The following CHN2 variants were observed in gnomAD, a reference collection of about 807,000 sequenced individuals.
CHN2 encodes the protein beta-chimaerin.
Under a neutral mutation model 56.3 loss-of-function variants are expected in CHN2, and 35 were observed. The ratio of observed to expected loss-of-function variants is 0.62; its 90% CI spans 0.47 to 0.82. The LOEUF is 0.82. CHN2 is among the 40% of genes least tolerant of loss of function. The pLI is 0.00. For missense variants in CHN2, 491 were observed against 580.5 expected (o/e 0.85, Z 1.58); for synonymous variants, 210 against 212.8 (o/e 0.99, Z 0.12).
Position 29,354,607 on chromosome 7 carries a change from T to C in CHN2, c.50-18T>C, listed in dbSNP as rs372425511. 1.3e-4 allele frequency: 182 copies of C among 1,414,096 alleles called. No homozygotes were observed. Among genetic ancestry groups the C allele is most frequent in the Middle Eastern group, 1.9e-4 (1 of 5,244 alleles). 87.6% of individuals were successfully genotyped at this position (1,414,096 alleles called of 1,614,324 possible). ...CGTTCAGGCTGATGATGGATTTCTT[T>C]TTTTTTTTTCATTCTAGATGCTGAA... On this transcript the variant is annotated intron_variant, in intron 1 of 12. Coordinates refer to ENST00000222792, the MANE Select transcript of CHN2 (RefSeq NM_004067.4).
chr7:29,461,859 GA>G (rs1291977676), intron 6 of CHN2, among the ~76,000 whole-genome samples: 3 of 149,504 alleles, frequency 2.0e-5, no homozygotes, highest in African/African-American at 7.7e-5. Flanking sequence ...TGGATGGATG[GA>G]TGGATGGATG....
chr7:29,377,910 A>T (rs565637911), intron 3 of CHN2, among the ~76,000 whole-genome samples: 2 of 152,356 alleles, frequency 1.3e-5, no homozygotes, highest in Non-Finnish European at 2.9e-5. Flanking sequence ...GAAATTAAAT[A>T]GCCTTGGCAC....
intron 6 of CHN2, among the ~76,000 whole-genome samples, chr7:29,458,246 G>A (rs1214807012): frequency 6.6e-6 from 1 of 152,060 alleles, no homozygotes; most frequent in Non-Finnish European, 1.5e-5. Context: ...TTTCAGATGG[G>A]ACAGATTCTA....
intron 1 of CHN2, among the ~76,000 whole-genome samples, chr7:29,283,054 C>G (rs1242809168): frequency 4.6e-5 from 7 of 152,164 alleles, no homozygotes; most frequent in Non-Finnish European, 8.8e-5. Flanking sequence ...AGCCACCTCT[C>G]CTGGAAGCTG....
chr7:29,424,581 C>G (rs1804659602), intron 6 of CHN2, among the ~76,000 whole-genome samples: 1 of 152,232 alleles, frequency 6.6e-6, no homozygotes, highest in African/African-American at 2.4e-5. Flanking sequence ...CATGAATTGG[C>G]AGTGCACAGG....
chr7:29,302,399 C>T (rs1258912638), intron 1 of CHN2, among the ~76,000 whole-genome samples: 1 of 151,848 alleles, frequency 6.6e-6, no homozygotes, highest in Non-Finnish European at 1.5e-5. Flanking sequence ...TTTCAGTTTA[C>T]TGCAGCTGCA....
Position 29,512,684 on chromosome 7 carries a change from C to T in CHN2, c.1356C>T (p.Tyr452=). ...STLTTLHDMR[Y]QKLIVQILIE... is the part of the protein sequence containing the mutation. The stretch of plus-strand genomic sequence containing the variant: ...TGACCACCCTGCATGATATGCGGTA[C>T]CAAAAGCTGATTGTGCAGATTTTAA... The change falls in exon 13 of 13, where the codon TAC becomes TAT. Residue 452 remains tyrosine, a synonymous_variant. Transcript: ENST00000222792. The T allele has an allele frequency of 6.2e-7, 1 of 1,614,126 alleles. No individual in the cohort carries two copies. Among genetic ancestry groups the T allele is most frequent in the Non-Finnish European group, 8.5e-7 (1 of 1,180,000 alleles).
At chr7:29,315,895 CAAGGGTGGACCATGCATA>C (rs1794923908) in intron 1 of CHN2, among the ~76,000 whole-genome samples, 1 of 152,088 alleles carries the variant, frequency 6.6e-6, no homozygotes, top group African/African-American at 2.4e-5. Flanking sequence ...GAAATTTTAG[CAAGGGTGGACCATGCATA>C]AATTAGGAAA....
chr7:29,173,416 C>T (rs185020515), intron 2 of CHN2, among the ~76,000 whole-genome samples: 4 of 152,114 alleles, frequency 2.6e-5, no homozygotes, highest in Admixed American at 6.5e-5. Context: ...GATTTCTGCT[C>T]CTGCTTGGAA....
At chr7:29,427,542 T>C (rs1319348038) in intron 6 of CHN2, among the ~76,000 whole-genome samples, 3 of 152,150 alleles carry the variant, frequency 2.0e-5, no homozygotes, top group Non-Finnish European at 4.4e-5. Flanking sequence ...GCTTCCATAG[T>C]CTTTGGTAAC....
intron 2 of CHN2, among the ~76,000 whole-genome samples, chr7:29,151,104 T>C (rs245890): frequency 0.54 from 82,633 of 152,028 alleles, 22,962 homozygotes; most frequent in African/African-American, 0.66. Context: ...GATCAACTTA[T>C]TGAAGTGCTT....
At chr7:29,431,626 A>G (rs1213268947) in intron 6 of CHN2, among the ~76,000 whole-genome samples, 2 of 152,238 alleles carry the variant, frequency 1.3e-5, no homozygotes, top group Admixed American at 6.5e-5. Flanking sequence ...AAGTGGCGAT[A>G]TAACTTCTTC....
At position 29,358,265 on chromosome 7, in the gene CHN2, G is replaced by A. The variant is rs566326200; in HGVS notation, c.88+3602G>A. On this transcript the variant is annotated intron_variant, in intron 2 of 12. Transcript: ENST00000222792. ...AAATTTGTCTTAACCAGGCATGGTG[G>A]CATGCCTTGTAGTCCTAGCTACTCG... 2.0e-5 allele frequency among the ~76,000 whole-genome samples: 3 copies of A among 152,156 alleles called. No individual in the cohort carries two copies. In the South Asian group the frequency reaches 6.2e-4, roughly 32 times the overall value.
intron 6 of CHN2, among the ~76,000 whole-genome samples, chr7:29,429,262 C>A (rs1457042277): frequency 7.2e-5 from 11 of 152,182 alleles, no homozygotes; most frequent in Non-Finnish European, 2.9e-5. Context: ...TGGAAGTTGG[C>A]AGACACTTAT....
chr7:29,242,003 A>C (rs1787719445), intron 1 of CHN2, among the ~76,000 whole-genome samples: 1 of 152,186 alleles, frequency 6.6e-6, no homozygotes, highest in African/African-American at 2.4e-5. Context: ...TAGTAATATC[A>C]GACACTTCCA....
intron 6 of CHN2, among the ~76,000 whole-genome samples, chr7:29,450,743 A>G (rs1336000394): frequency 6.6e-6 from 1 of 152,104 alleles, no homozygotes; most frequent in Non-Finnish European, 1.5e-5. Flanking sequence ...AGATGTATTC[A>G]TCAGATGAAT....
At chr7:29,278,957 T>C (rs754307372) in intron 1 of CHN2, among the ~76,000 whole-genome samples, 7 of 151,506 alleles carry the variant, frequency 4.6e-5, no homozygotes, top group Non-Finnish European at 8.8e-5. Context: ...CCCCCAGGCC[T>C]GTCTCCCTCC....
chr7:29,512,069 G>A (rs1791510342), intron 12 of CHN2, among the ~76,000 whole-genome samples: 1 of 151,844 alleles, frequency 6.6e-6, no homozygotes, highest in Admixed American at 6.6e-5. Flanking sequence ...ATTCATGACA[G>A]CCCATTCTAC....
chr7:29,376,943 T>G (rs1230117831), intron 3 of CHN2, among the ~76,000 whole-genome samples: 1 of 152,220 alleles, frequency 6.6e-6, no homozygotes, highest in Non-Finnish European at 1.5e-5. Context: ...CTCCATTTTC[T>G]GGTATTATAC....
Sources: gnomAD v4.1 joint callset for allele counts (sites outside exome capture counted in the v4.1 genomes callset) on GRCh38, gnomAD v4.1.1 for gene constraint, MANE v1.5 for transcripts, NCBI Gene and HGNC (gene_info 2026-07-23, HGNC 2026-07-21) for gene names.